Variants in PCDH9 observed in about 807,000 individuals in gnomAD.
The protein encoded by PCDH9 is protocadherin-9.
PCDH9 carries 24 observed loss-of-function variants against 70.6 expected under a neutral mutation model. The ratio of observed to expected loss-of-function variants is 0.34; its 90% confidence interval spans 0.25 to 0.48. The LOEUF (loss-of-function observed/expected upper bound fraction) is 0.48. Ranked by LOEUF, PCDH9 falls within the 20% of genes least tolerant of loss-of-function variation. PCDH9 has a pLI of 0.99. For synonymous variants in PCDH9, 562 were observed against 558.5 expected (o/e 1.01, Z -0.09); for missense variants, 1,281 against 1,503.6 (o/e 0.85, Z 2.45).
chr13:66,984,391 C>G (rs1218083575), intron 2 of PCDH9, among the ~76,000 whole-genome samples: 1 of 152,060 alleles, frequency 6.6e-6, no homozygotes, highest in African/African-American at 2.4e-5. Context: ...ATTTTTCCAC[C>G]TCTTGAGTGT....
At chr13:66,906,694 G>A (rs2098639754) in intron 2 of PCDH9, among the ~76,000 whole-genome samples, 1 of 151,936 alleles carries the variant, frequency 6.6e-6, no homozygotes, top group Non-Finnish European at 1.5e-5. Flanking sequence ...TTAAAATTGA[G>A]TCTTTTGAGG....
At chr13:66,735,579 G>A (rs550750478) in intron 3 of PCDH9, among the ~76,000 whole-genome samples, 1 of 152,226 alleles carries the variant, frequency 6.6e-6, no homozygotes, top group East Asian at 1.9e-4. Context: ...TTAAAAAAAA[G>A]CAACAAAATT....
At chr13:66,713,625 G>GTATATATATATA (rs67681559) in intron 3 of PCDH9, among the ~76,000 whole-genome samples, 151 of 109,954 alleles carry the variant, frequency 1.4e-3, no homozygotes, top group East Asian at 2.3e-3. Flanking sequence ...GTGTGTGTGT[G>GTATATATATATA]TATATATATA....
intron 3 of PCDH9, among the ~76,000 whole-genome samples, chr13:66,661,617 AAAT>A: frequency 6.6e-6 from 1 of 152,344 alleles, no homozygotes; most frequent in South Asian, 2.1e-4. Flanking sequence ...GAAAAGTTGG[AAAT>A]AATAAATTGA....
chr13:67,064,910 AGAT>A (rs1566400155), intron 2 of PCDH9, among the ~76,000 whole-genome samples: 18 of 151,592 alleles, frequency 1.2e-4, no homozygotes, highest in African/African-American at 4.3e-4. Flanking sequence ...ATAGATAGAT[AGAT>A]AGATAGATAG....
chr13:67,141,258 A>G (rs2087379100), intron 2 of PCDH9, among the ~76,000 whole-genome samples: 1 of 152,122 alleles, frequency 6.6e-6, no homozygotes, highest in African/African-American at 2.4e-5. Flanking sequence ...GTTGAAATGC[A>G]GACGGCATGA....
intron 3 of PCDH9, among the ~76,000 whole-genome samples, chr13:66,837,434 G>C (rs1019560323): frequency 2.0e-5 from 3 of 152,098 alleles, no homozygotes; most frequent in Non-Finnish European, 2.9e-5. Context: ...ACATACGGTG[G>C]AGCGGGAGCA....
rs1261876406 is a variant in PCDH9, at chr13:67,035,221, C to T, written c.3037-131616G>A. Among the ~76,000 whole-genome samples, 9 of 152,178 alleles carry T rather than the reference C, an allele frequency of 5.9e-5. No homozygotes were observed. The South Asian group carries it at 1.7e-3, about 28-fold the overall frequency. ...GCAAGTAAATACTGTCCAAAGTTTG[C>T]AAATCAGGTAGAGGGCATGTGTCTC... On this transcript the variant is annotated intron_variant, in intron 2 of 4. Coordinates refer to ENST00000377865, the MANE Select transcript of PCDH9 (RefSeq NM_203487.3).
At chr13:66,817,966 G>A (rs568052402) in intron 3 of PCDH9, among the ~76,000 whole-genome samples, 1 of 152,054 alleles carries the variant, frequency 6.6e-6, no homozygotes, top group Admixed American at 6.6e-5. Flanking sequence ...TTGATCCCAA[G>A]AATTATTTTT....
chr13:66,465,360 C>T (rs908436902), intron 4 of PCDH9, among the ~76,000 whole-genome samples: 1 of 151,822 alleles, frequency 6.6e-6, no homozygotes, highest in Non-Finnish European at 1.5e-5. Context: ...TAAATCTTGT[C>T]ATAACCTGAA....
At chr13:66,623,552 C>T (rs370344087) in intron 4 of PCDH9, among the ~76,000 whole-genome samples, 2 of 152,220 alleles carry the variant, frequency 1.3e-5, no homozygotes, top group East Asian at 1.9e-4. Context: ...AATCCCCCCA[C>T]CTCAGCCTCC....
intron 3 of PCDH9, among the ~76,000 whole-genome samples, chr13:66,866,612 T>C (rs2081580411): frequency 6.6e-6 from 1 of 151,686 alleles, no homozygotes; most frequent in African/African-American, 2.4e-5. Context: ...GCCTGGCCAC[T>C]ATGGCGAAAC....
At chr13:66,482,184 A>G (rs1251039415) in intron 4 of PCDH9, among the ~76,000 whole-genome samples, 1 of 152,190 alleles carries the variant, frequency 6.6e-6, no homozygotes, top group Non-Finnish European at 1.5e-5. Context: ...TCCACATAAC[A>G]AGATAGCTGG....
chr13:67,023,302 A>G (rs2084715934), intron 2 of PCDH9, among the ~76,000 whole-genome samples: 1 of 152,012 alleles, frequency 6.6e-6, no homozygotes, highest in Admixed American at 6.6e-5. Flanking sequence ...TTCACCACCA[A>G]CTGTCATTTG....
At chr13:66,743,595 A>G (rs9317610) in intron 3 of PCDH9, among the ~76,000 whole-genome samples, 42,509 of 151,982 alleles carry the variant, frequency 0.28, 6,472 homozygotes, top group East Asian at 0.44. Context: ...TGGTGAATAT[A>G]GTTAATAACA....
At chr13:66,831,310 C>T (rs111768396) in intron 3 of PCDH9, among the ~76,000 whole-genome samples, 5,383 of 152,226 alleles carry the variant, frequency 0.035, 142 homozygotes, top group Middle Eastern at 0.099. Context: ...AGCTCTTTAA[C>T]ATTGACAGAG....
intron 2 of PCDH9, chr13:67,207,729 A>C (rs946308515): frequency 6.6e-6 from 1 of 152,194 alleles, no homozygotes; most frequent in African/African-American, 2.4e-5. Flanking sequence ...TTAGTTTTAC[A>C]TATGTTTAAA....
At chr13:66,356,300 G>A (rs1484415659) in intron 4 of PCDH9, among the ~76,000 whole-genome samples, 2 of 152,022 alleles carry the variant, frequency 1.3e-5, no homozygotes, top group African/African-American at 4.8e-5. Context: ...TGGAAGTCTT[G>A]TATTTTAAAG....
chr13:66,855,917 T>C (rs562046000), intron 3 of PCDH9, among the ~76,000 whole-genome samples: 7 of 152,086 alleles, frequency 4.6e-5, no homozygotes, highest in South Asian at 4.1e-4. Context: ...TTAGAAATTC[T>C]ATAAATGACT....
Sources: allele counts gnomAD v4.1 joint callset (sites outside exome capture counted in the v4.1 genomes callset), GRCh38; gene constraint gnomAD v4.1.1; transcripts MANE v1.5; gene names NCBI Gene and HGNC (gene_info 2026-07-23, HGNC 2026-07-21).